Variants in AHI1 observed in about 807,000 individuals in gnomAD.
AHI1 encodes the protein jouberin.
In AHI1, 123 loss-of-function variants were observed where a neutral mutation model predicts 149.3. The observed-to-expected ratio is 0.82, with a 90% confidence interval of 0.71 to 0.96. The LOEUF (loss-of-function observed/expected upper bound fraction) is 0.96, where lower values mean the gene tolerates loss of function less well. AHI1 is among the 40% of genes least tolerant of loss of function. The pLI is 0.00. For synonymous variants in AHI1, 475 were observed against 459.8 expected, an observed-to-expected ratio of 1.03 and a Z score of -0.42; for missense variants, 1,439 against 1,422.7, an observed-to-expected ratio of 1.01 and a Z score of -0.18.
intron 24 of AHI1, among the ~76,000 whole-genome samples, chr6:135,338,997 G>A (rs368791151): frequency 6.0e-5 from 9 of 149,812 alleles, no homozygotes; most frequent in Admixed American, 2.0e-4. Flanking sequence ...GTGCAATCTC[G>A]GCTCACTGCA....
intron 22 of AHI1, among the ~76,000 whole-genome samples, chr6:135,400,945 G>A (rs1024246467): frequency 2.0e-5 from 3 of 152,136 alleles, no homozygotes; most frequent in Admixed American, 2.0e-4. Context: ...CCCACAGACT[G>A]TGTCTGTGAT....
At position 135,339,717 on chromosome 6, in the gene AHI1, T is replaced by A. The variant is rs370076212; in HGVS notation, c.3166-16393A>T. Reference sequence around the variant, plus strand: ...GCCATCAAATGTACCAACATATGCATAACAGGACTCCCAGAAGAAGAGTCA... The same window carrying A: ...GCCATCAAATGTACCAACATATGCAAAACAGGACTCCCAGAAGAAGAGTCA... On this transcript the variant is annotated intron_variant, in intron 24 of 28. Transcript: ENST00000265602. Among the ~76,000 whole-genome samples the A allele has an allele frequency of 7.9e-5, 12 of 152,234 alleles. 1 individual carries two copies. The highest frequency in any genetic ancestry group is 1.9e-4 in the East Asian group (1 of 5,184).
chr6:135,393,093 T>G (rs1240327800), intron 23 of AHI1, among the ~76,000 whole-genome samples: 1 of 152,156 alleles, frequency 6.6e-6, no homozygotes, highest in Non-Finnish European at 1.5e-5. Context: ...ATATCCCTCT[T>G]ATGGCCTACA....
chr6:135,392,034 G>C (rs1306524608), intron 23 of AHI1, among the ~76,000 whole-genome samples: 1 of 152,150 alleles, frequency 6.6e-6, no homozygotes, highest in Non-Finnish European at 1.5e-5. Flanking sequence ...AGTTCCATTG[G>C]AACACATAAA....
chr6:135,434,266 AT>A (rs1273882339), intron 15 of AHI1, among the ~76,000 whole-genome samples: 19 of 152,060 alleles, frequency 1.2e-4, no homozygotes, highest in African/African-American at 4.3e-4. Flanking sequence ...ACAATATAGG[AT>A]ATGATCTTCA....
intron 10 of AHI1, among the ~76,000 whole-genome samples, chr6:135,455,520 A>C (rs982249529): frequency 1.1e-4 from 16 of 152,230 alleles, no homozygotes; most frequent in African/African-American, 3.9e-4. Flanking sequence ...AAGTAGGCCA[A>C]ATGGTTAAAT....
chr6:135,471,693 C>T (rs1791717663), intron 5 of AHI1, among the ~76,000 whole-genome samples: 1 of 151,912 alleles, frequency 6.6e-6, no homozygotes, highest in Non-Finnish European at 1.5e-5. Context: ...GGTTTATCTG[C>T]TATTAAAATC....
chr6:135,431,382 C>T lies in AHI1; in HGVS notation c.2267-68G>A, dbSNP rs567226991. The T allele has an allele frequency of 1.5e-4, 146 of 954,338 alleles. 1 individual carries two copies. In the African/African-American group the frequency reaches 2.0e-3, roughly 13 times the overall value. The allele number at this position is 954,338 out of a possible 1,614,324, so 59.1% of individuals were successfully genotyped here. Reference sequence around the variant, plus strand: ...GAGTTAGAAACAAATAATAGGAAATCGGGGGAAACTATACCCCAGTAAAAC... The same window carrying T: ...GAGTTAGAAACAAATAATAGGAAATTGGGGGAAACTATACCCCAGTAAAAC... On this transcript the variant is annotated intron_variant, in intron 16 of 28. Transcript: ENST00000265602.
chr6:135,415,262 C>T (rs1030569146), intron 20 of AHI1, among the ~76,000 whole-genome samples: 22 of 151,920 alleles, frequency 1.4e-4, no homozygotes, highest in Admixed American at 9.8e-4. Context: ...TGAATAGTGC[C>T]GCAATAAACA....
At chr6:135,477,083 T>C (rs4896148) in intron 5 of AHI1, among the ~76,000 whole-genome samples, 127,451 of 150,778 alleles carry the variant, frequency 0.85, 55,452 homozygotes, top group East Asian at 0.97. Context: ...CTCTGTCACC[T>C]AGGCTGGAGT....
intron 5 of AHI1, among the ~76,000 whole-genome samples, chr6:135,473,761 T>TATC (rs1792142116): frequency 6.6e-6 from 1 of 152,168 alleles, no homozygotes; most frequent in African/African-American, 2.4e-5. Context: ...CTATTATAAT[T>TATC]TTAAAATTTA....
At chr6:135,442,328 A>G (rs945310007) in intron 14 of AHI1, among the ~76,000 whole-genome samples, 1 of 152,204 alleles carries the variant, frequency 6.6e-6, no homozygotes, top group African/African-American at 2.4e-5. Context: ...AATGTTTACA[A>G]AAATCCTCCT....
At chr6:135,463,478 A>G (rs962868651) in intron 7 of AHI1, among the ~76,000 whole-genome samples, 172 bp from the exon 8 acceptor site, 2 of 152,180 alleles carry the variant, frequency 1.3e-5, no homozygotes, top group South Asian at 2.1e-4. Flanking sequence ...TAAGTGTCAA[A>G]TAGGTATCAT....
At chr6:135,417,048 C>T (rs1782482322) in intron 20 of AHI1, among the ~76,000 whole-genome samples, 1 of 151,980 alleles carries the variant, frequency 6.6e-6, no homozygotes, top group African/African-American at 2.4e-5. Context: ...ACAAGAGAAA[C>T]TTTAAAGCTG....
intron 26 of AHI1, among the ~76,000 whole-genome samples, chr6:135,312,387 G>A (rs952098032): frequency 3.3e-5 from 5 of 152,038 alleles, no homozygotes; most frequent in African/African-American, 9.7e-5. Flanking sequence ...GGTGGTGCAC[G>A]CCTGTAATCT....
In AHI1 at chr6:135,336,478, G is replaced by C. The variant is rs151146073; in HGVS notation, c.3166-13154C>G. Among the ~76,000 whole-genome samples the C allele has an allele frequency of 6.4e-3, 975 of 152,100 alleles. 9 individuals carry two copies. The highest frequency in any genetic ancestry group is 0.022 in the African/African-American group (892 of 41,472). Reference sequence around the variant, plus strand: ...CCAGGCATGGTGATGCATGCCTGTAGTCCCAGCTACTTGGGAGGCTGAGGC... The same window carrying C: ...CCAGGCATGGTGATGCATGCCTGTACTCCCAGCTACTTGGGAGGCTGAGGC... On this transcript the variant is annotated intron_variant, in intron 24 of 28. Transcript: ENST00000265602.
At chr6:135,396,856 T>C (rs934219069) in intron 22 of AHI1, among the ~76,000 whole-genome samples, 1 of 151,664 alleles carries the variant, frequency 6.6e-6, no homozygotes, top group Non-Finnish European at 1.5e-5. Context: ...TAGATATAGA[T>C]ATATCTATAG....
intron 24 of AHI1, among the ~76,000 whole-genome samples, chr6:135,348,752 A>C (rs1206749898): frequency 1.3e-5 from 2 of 152,230 alleles, no homozygotes; most frequent in Non-Finnish European, 2.9e-5. Flanking sequence ...TTTGACAAGC[A>C]GGGTAGCGAG....
intron 2 of AHI1, among the ~76,000 whole-genome samples, 154 bp from the exon 3 acceptor site, chr6:135,496,052 CAACTA>C (rs757902087): frequency 1.8e-4 from 27 of 151,746 alleles, no homozygotes; most frequent in African/African-American, 3.9e-4. Flanking sequence ...GCTTAATACA[CAACTA>C]AACTAATAAA....
Sources: gnomAD v4.1 joint callset for allele counts (sites outside exome capture counted in the v4.1 genomes callset) on GRCh38, gnomAD v4.1.1 for gene constraint, MANE v1.5 for transcripts, NCBI Gene and HGNC (gene_info 2026-07-23, HGNC 2026-07-21) for gene names.